The following CWF19L1 variants were observed in gnomAD, a reference collection of about 807,000 sequenced individuals.
CWF19L1 encodes the protein CWF19 like cell cycle control factor 1, also known as CWF19-like protein 1.
CWF19L1 carries 60 observed loss-of-function variants against 69.7 expected under a neutral mutation model. The ratio of observed to expected loss-of-function variants is 0.86; its 90% confidence interval spans 0.70 to 1.07. CWF19L1 has a LOEUF of 1.07. Among genes scored for constraint, CWF19L1 ranks in the 50% least tolerant of loss-of-function variants. The pLI is 0.00. For missense variants in CWF19L1, 591 were observed against 638.9 expected, an observed-to-expected ratio of 0.92 and a Z score of 0.81; for synonymous variants, 209 against 222.2, an observed-to-expected ratio of 0.94 and a Z score of 0.53.
Position 100,245,794 on chromosome 10 carries a change from CT to C in CWF19L1, c.964+4del, listed in dbSNP as rs1846798411. ...AGAAGAAACCTCTGGAATAAAGGTA[CT>C]TACGAGGTTTGCGAGGCTGCTTTGG... On this transcript the variant is annotated splice_donor_region_variant and intron_variant, in intron 9 of 13. Transcript: ENST00000354105. 1 of 1,606,234 alleles carries C rather than the reference CT, an allele frequency of 6.2e-7. No homozygotes were observed. The highest frequency in any genetic ancestry group is 8.5e-7 in the Non-Finnish European group (1 of 1,172,946).
intron 3 of CWF19L1, 152 bp downstream of exon 3, chr10:100,260,814 C>T (rs768987693): frequency 2.6e-5 from 15 of 579,724 alleles, no homozygotes; most frequent in Admixed American, 6.2e-5. Context: ...TGAGCCACTG[C>T]GCCGGATAGT....
At chr10:100,237,895 C>T (rs183684474) in intron 11 of CWF19L1, 127 bp downstream of exon 11, 88 of 809,144 alleles carry the variant, frequency 1.1e-4, no homozygotes, top group African/African-American at 8.5e-4. Context: ...GCAATCCAAC[C>T]GCTTCGGCCT....
At chr10:100,241,736 G>C (rs1418323193) in intron 10 of CWF19L1, among the ~76,000 whole-genome samples, 1 of 152,204 alleles carries the variant, frequency 6.6e-6, no homozygotes, top group Non-Finnish European at 1.5e-5. Flanking sequence ...GTGAGGGTGA[G>C]AGTAAAGAAG....
intron 7 of CWF19L1, chr10:100,248,627 C>T: frequency 2.6e-6 from 2 of 758,558 alleles, no homozygotes; most frequent in Admixed American, 1.8e-5. Context: ...TCCATCACTA[C>T]TGAGATCCTC....
intron 10 of CWF19L1, among the ~76,000 whole-genome samples, chr10:100,241,164 G>A (rs780484139): frequency 5.3e-5 from 8 of 151,692 alleles, no homozygotes; most frequent in Non-Finnish European, 7.4e-5. Context: ...CCGCCACCAC[G>A]CCCAGCTAAT....
chr10:100,242,294 A>G (rs1468625348), intron 10 of CWF19L1, among the ~76,000 whole-genome samples: 1 of 152,100 alleles, frequency 6.6e-6, no homozygotes, highest in Non-Finnish European at 1.5e-5. Context: ...AGTAAGCTAC[A>G]CCCTCCACTA....
chr10:100,257,819 A>G (rs1202454700), intron 4 of CWF19L1, among the ~76,000 whole-genome samples: 4 of 152,094 alleles, frequency 2.6e-5, no homozygotes, highest in Admixed American at 1.3e-4. Flanking sequence ...CCAAGGTACT[A>G]TCATCAACCT....
At position 100,245,758 on chromosome 10, in the gene CWF19L1, T is replaced by C. The variant is rs773162556; in HGVS notation, c.964+41A>G. 32 of 1,483,478 alleles carry C rather than the reference T, an allele frequency of 2.2e-5. 1 individual carries two copies. In the South Asian group the frequency reaches 3.3e-4, roughly 15 times the overall value. 91.9% of individuals were successfully genotyped at this position (1,483,478 alleles called of 1,614,324 possible). On this transcript the variant is annotated intron_variant, in intron 9 of 13. Coordinates refer to ENST00000354105, the MANE Select transcript of CWF19L1 (RefSeq NM_018294.6). ...TTCCAAAGAAAAGCCAAAATAACAG[T>C]TACTGTTCATAGAAGAAACCTCTGG...
chr10:100,233,506 C>A, intron 13 of CWF19L1, 135 bp from the exon 14 acceptor site: 1 of 746,644 alleles, frequency 1.3e-6, no homozygotes, highest in Non-Finnish European at 2.1e-6. Flanking sequence ...TACTATTGAT[C>A]AAAATCATAC....
At chr10:100,258,795 T>C (rs1424436666) in intron 4 of CWF19L1, 2 of 150,070 alleles carry the variant, frequency 1.3e-5, no homozygotes, top group Non-Finnish European at 2.9e-5. Context: ...AAGGCCAAGA[T>C]GAACTATGAT....
At chr10:100,263,416 A>G (rs952407324) in intron 1 of CWF19L1, among the ~76,000 whole-genome samples, 25 of 152,328 alleles carry the variant, frequency 1.6e-4, no homozygotes, top group Admixed American at 1.6e-3. Context: ...CTCAGAAGTC[A>G]TTACCTTCTC....
Position 100,246,886 on chromosome 10 carries a change from T to C in CWF19L1, c.758A>G (p.Glu253Gly). Reference sequence around the variant, plus strand: ...GACATCCGGAGGCTGTTTTACCAGTTCTGCTGCATCCATTAGCTTCATGGG... The same window carrying C: ...GACATCCGGAGGCTGTTTTACCAGTCCTGCTGCATCCATTAGCTTCATGGG... ...IVPMKLMDAA[E>G]LVKQPPDVTE... The change falls in exon 8 of 14, where the codon GAA becomes GGA. Residue 253 changes from glutamate to glycine, a missense_variant. By Grantham distance (98) the Glu-to-Gly change is moderately conservative. This residue lies in a region of CWF19L1 where 458 missense variants were observed against 489.3 expected (regional missense o/e 0.94). Coordinates refer to ENST00000354105, the MANE Select transcript of CWF19L1 (RefSeq NM_018294.6). 6.2e-7 allele frequency: 1 copy of C among 1,613,990 alleles called. No homozygotes were observed. The highest frequency in any genetic ancestry group is 8.5e-7 in the Non-Finnish European group (1 of 1,179,874).
intron 7 of CWF19L1, chr10:100,248,696 C>G: frequency 1.9e-6 from 2 of 1,034,326 alleles, no homozygotes; most frequent in Non-Finnish European, 3.0e-6. Flanking sequence ...GAGCTGGTCT[C>G]CAGGCAGATG....
chr10:100,245,651 T>C, intron 9 of CWF19L1, 148 bp downstream of exon 9: 1 of 621,494 alleles, frequency 1.6e-6, no homozygotes, highest in Non-Finnish European at 2.8e-6. Flanking sequence ...AGGCCATGTT[T>C]ATATTTTATT....
chr10:100,251,945 G>A (rs7897454), intron 6 of CWF19L1, among the ~76,000 whole-genome samples: 10,461 of 152,256 alleles, frequency 0.069, 474 homozygotes, highest in African/African-American at 0.12. Context: ...CTTCTAGAAT[G>A]AGTATATGGA....
rs1359873169 is a variant in CWF19L1, at chr10:100,260,290, T to C, written c.217A>G (p.Asn73Asp). ...AAATATTTTACTGTTTCCTGGTTAT[T>C]AGCACCAAGCACATATGTCTGAATA... ...APIQTYVLGA[N>D]NQETVKYFQD... The change falls in exon 4 of 14, where the codon AAT becomes GAT. Residue 73 changes from asparagine (N) to aspartate (D), a missense_variant. Asn to Asp is a conservative substitution (Grantham distance 23). Around this residue, in one of 3 missense-constraint regions of CWF19L1, gnomAD observed 129 missense variants for 131.3 expected, o/e 0.98. Transcript: ENST00000354105. The C allele has an allele frequency of 7.4e-6, 12 of 1,611,560 alleles. No individual in the cohort carries two copies. The highest frequency in any genetic ancestry group is 1.1e-5 in the South Asian group (1 of 90,988).
chr10:100,262,928 CT>C (rs71305555), intron 1 of CWF19L1, among the ~76,000 whole-genome samples: 20 of 147,940 alleles, frequency 1.4e-4, no homozygotes, highest in Non-Finnish European at 1.0e-4. Context: ...CCTCGCCAAA[CT>C]TTTTTTTTTT....
chr10:100,250,199 T>A, intron 7 of CWF19L1, 49 bp downstream of exon 7: 1 of 1,205,130 alleles, frequency 8.3e-7, no homozygotes, highest in South Asian at 1.2e-5. Flanking sequence ...GATACATTTA[T>A]CAGGCAGACC....
At chr10:100,234,433 C>T (rs900613120) in intron 13 of CWF19L1, among the ~76,000 whole-genome samples, 2 of 152,314 alleles carry the variant, frequency 1.3e-5, no homozygotes, top group South Asian at 2.1e-4. Flanking sequence ...GTGCTTTATA[C>T]GCCTATGTGT....
Sources: gnomAD v4.1 joint callset for allele counts (sites outside exome capture counted in the v4.1 genomes callset) on GRCh38, gnomAD v4.1.1 for gene constraint, gnomAD v4.1.1 regional missense constraint, MANE v1.5 for transcripts, NCBI Gene and HGNC (gene_info 2026-07-23, HGNC 2026-07-21) for gene names.